Variants in NR1I2 observed in about 807,000 individuals in gnomAD.
NR1I2 encodes orphan nuclear receptor PAR1.
In NR1I2, 42 loss-of-function variants were observed where a neutral mutation model predicts 43.3. That is an observed-to-expected ratio of 0.97 (90% CI 0.76 to 1.26). NR1I2 has a LOEUF of 1.26. NR1I2 is among the 50% of genes most tolerant of loss of function. NR1I2 has a pLI of 0.00. For synonymous variants in NR1I2, 229 were observed against 215.0 expected, an observed-to-expected ratio of 1.06 and a Z score of -0.57; for missense variants, 559 against 566.7, an observed-to-expected ratio of 0.99 and a Z score of 0.14.
Position 119,818,324 on chromosome 3 carries a change from C to T in NR1I2, c.*1112C>T. 2 of 985,382 alleles carry T rather than the reference C, an allele frequency of 2.0e-6. No homozygotes were observed. Among genetic ancestry groups the T allele is most frequent in the Non-Finnish European group, 2.4e-6 (2 of 829,908 alleles). 61.0% of individuals were successfully genotyped at this position (985,382 alleles called of 1,614,324 possible). A position where few individuals can be genotyped will look rare whatever the true frequency, so the allele number is the denominator to read the frequency against. ...CTCAAAGCTAAAGGGTATGAAAGTG[C>T]CTGCCTTGTTTATAGCCACTTGTGA... On this transcript the variant is annotated 3_prime_UTR_variant, in exon 9 of 9. Coordinates refer to ENST00000393716, the MANE Select transcript of NR1I2 (RefSeq NM_003889.4).
At chr3:119,801,135 C>T (rs1215400557) in intron 1 of NR1I2, among the ~76,000 whole-genome samples, 1 of 152,212 alleles carries the variant, frequency 6.6e-6, no homozygotes, top group Non-Finnish European at 1.5e-5. Context: ...CGTAGAAAGA[C>T]TAAATTCATT....
intron 1 of NR1I2, among the ~76,000 whole-genome samples, chr3:119,797,990 T>C (rs1183235027): frequency 6.6e-6 from 1 of 152,238 alleles, no homozygotes; most frequent in Non-Finnish European, 1.5e-5. Context: ...TAATTTTTTT[T>C]TTCTGGGTAT....
rs1432002719 is a variant in NR1I2 at position 119,810,082 on chromosome 3, C to T, written c.219C>T (p.Ala73=). 1 of 1,613,898 alleles carries T rather than the reference C, an allele frequency of 6.2e-7. No homozygotes were observed. Among genetic ancestry groups the T allele is most frequent in the Admixed American group, 1.7e-5 (1 of 60,026 alleles). ...ACAGGAGGGCCATGAAACGCAACGC[C>T]CGGCTGAGGTGCCCCTTCCGGAAGG... The change falls in exon 3 of 9, where the codon GCC becomes GCT. Residue 73 remains alanine (A), a synonymous_variant. Coordinates refer to ENST00000393716, the MANE Select transcript of NR1I2 (RefSeq NM_003889.4).
chr3:119,797,804 C>A (rs2055021795), intron 1 of NR1I2, among the ~76,000 whole-genome samples: 1 of 152,174 alleles, frequency 6.6e-6, no homozygotes, highest in African/African-American at 2.4e-5. Context: ...TATCTGCTGG[C>A]AACAAATTCT....
chr3:119,800,418 A>T (rs1312849154), intron 1 of NR1I2, among the ~76,000 whole-genome samples: 2 of 152,232 alleles, frequency 1.3e-5, no homozygotes, highest in Non-Finnish European at 2.9e-5. Context: ...TTTGAAATCA[A>T]AAAGTGTAAG....
At chr3:119,813,475 C>T (rs534857115) in intron 5 of NR1I2, among the ~76,000 whole-genome samples, 1 of 152,276 alleles carries the variant, frequency 6.6e-6, no homozygotes, top group South Asian at 2.1e-4. Flanking sequence ...TAGTGGGAGA[C>T]ATGGGAACTT....
At chr3:119,809,987 G>A in intron 2 of NR1I2, 74 bp from the exon 3 acceptor site, 5 of 1,592,344 alleles carry the variant, frequency 3.1e-6, no homozygotes, top group Non-Finnish European at 4.3e-6. Flanking sequence ...GGAGGGAGGT[G>A]GTATGGCCCG....
At chr3:119,811,816 C>T in intron 4 of NR1I2, 90 bp downstream of exon 4, 1 of 1,236,526 alleles carries the variant, frequency 8.1e-7, no homozygotes, top group South Asian at 1.3e-5. Flanking sequence ...GAAACTTATA[C>T]AAGGTCACAG....
chr3:119,798,659 AAG>A (rs2055034376), intron 1 of NR1I2, among the ~76,000 whole-genome samples: 2 of 151,754 alleles, frequency 1.3e-5, no homozygotes, highest in Non-Finnish European at 2.9e-5. Context: ...AAAAAAGAAA[AAG>A]AAAGAAAGAA....
intron 5 of NR1I2, 66 bp from the exon 6 acceptor site, chr3:119,814,913 C>T (rs1476596923): frequency 2.5e-6 from 4 of 1,603,564 alleles, no homozygotes; most frequent in Admixed American, 3.3e-5. Flanking sequence ...TATGGGATGG[C>T]TGCTGGTGCC....
Position 119,817,130 on chromosome 3 carries a change from C to T in NR1I2, c.1223C>T (p.Thr408Ile), listed in dbSNP as rs2055341146. Residue 408 changes from threonine to isoleucine, a missense_variant, in exon 9 of 9, where the codon ACC (threonine) becomes ATC (isoleucine). Around this residue, in one of 3 missense-constraint regions of NR1I2, gnomAD observed 323 missense variants for 312.2 expected, o/e 1.03. Coordinates refer to ENST00000393716, the MANE Select transcript of NR1I2 (RefSeq NM_003889.4). ...CTCCGCAGCATCAATGCTCAGCACA[C>T]CCAGCGGCTGCTGCGCATCCAGGAC... is the stretch of plus-strand genomic sequence containing the variant. The T allele has an allele frequency of 6.2e-7, 1 of 1,614,072 alleles. No individual in the cohort carries two copies. Among genetic ancestry groups the T allele is most frequent in the Non-Finnish European group, 8.5e-7 (1 of 1,180,030 alleles).
rs899308112 is a variant in NR1I2, at chr3:119,807,107, G to A, written c.-22-122G>A. 3.9e-5 allele frequency: 33 copies of A among 837,208 alleles called. No individual in the cohort carries two copies. The African/African-American group carries it at 5.6e-4, about 14-fold the overall frequency. The allele number at this position is 837,208 out of a possible 1,614,324, so 51.9% of individuals were successfully genotyped here. A position where few individuals can be genotyped will look rare whatever the true frequency, so the allele number is the denominator to read the frequency against. ...TCCCCGCTTTTTTTCCCCATGAGAG[G>A]TCAGCTCCCGAGTTCACAGGCCCAA... On this transcript the variant is annotated intron_variant, in intron 1 of 8. Coordinates refer to ENST00000393716, the MANE Select transcript of NR1I2 (RefSeq NM_003889.4).
chr3:119,793,110 A>G lies in NR1I2; in HGVS notation c.-23+10810A>G, dbSNP rs181852119. Among the ~76,000 whole-genome samples, 1,033 of 152,176 alleles carry G rather than the reference A, an allele frequency of 6.8e-3. 7 individuals carry two copies. Among genetic ancestry groups the G allele is most frequent in the Admixed American group, 0.013 (195 of 15,286 alleles). ...GCCGGCTCGCACTTCACCTTCCACC[A>G]TGCTTGGAAGCTTCCTGAGACCTCA... is the stretch of plus-strand genomic sequence containing the variant. On this transcript the variant is annotated intron_variant, in intron 1 of 8. Transcript: ENST00000393716.
At chr3:119,782,389 T>C (rs1418413144) in intron 1 of NR1I2, 89 bp downstream of exon 1, 1 of 230,808 alleles carries the variant, frequency 4.3e-6, no homozygotes. Context: ...ATATACCTTC[T>C]GTTTGAGGTC....
intron 1 of NR1I2, among the ~76,000 whole-genome samples, chr3:119,806,927 C>T (rs989606098): frequency 3.9e-5 from 6 of 152,196 alleles, no homozygotes; most frequent in South Asian, 2.1e-4. Flanking sequence ...CTCCATGATC[C>T]GACCCAGACA....
intron 1 of NR1I2, chr3:119,802,990 T>C: frequency 2.2e-6 from 1 of 456,384 alleles, no homozygotes; most frequent in Non-Finnish European, 4.4e-6. Flanking sequence ...TGGGGGGTGA[T>C]TGGGTCATGA....
Position 119,818,172 on chromosome 3 carries a change from G to T in NR1I2, c.*960G>T. On this transcript the variant is annotated 3_prime_UTR_variant, in exon 9 of 9. Transcript: ENST00000393716. Reference sequence around the variant, plus strand: ...GGTAGGTCTGTTTGCCACTTGATGGGGCCTGGGTTTGTTCCTGGGGCTGGA... The same window carrying T: ...GGTAGGTCTGTTTGCCACTTGATGGTGCCTGGGTTTGTTCCTGGGGCTGGA... The T allele has an allele frequency of 2.0e-6, 2 of 985,686 alleles. No individual in the cohort carries two copies. Among genetic ancestry groups the T allele is most frequent in the Non-Finnish European group, 2.4e-6 (2 of 830,046 alleles). The allele number at this position is 985,686 out of a possible 1,614,324, so 61.1% of individuals were successfully genotyped here. A position where few individuals can be genotyped will look rare whatever the true frequency, so the allele number is the denominator to read the frequency against.
At chr3:119,785,743 C>T (rs1454535007) in intron 1 of NR1I2, among the ~76,000 whole-genome samples, 2 of 152,210 alleles carry the variant, frequency 1.3e-5, no homozygotes, top group Non-Finnish European at 2.9e-5. Context: ...ACTTCCTTTA[C>T]TTTCCTACCA....
chr3:119,805,841 A>G (rs1013478461), intron 1 of NR1I2, among the ~76,000 whole-genome samples: 2 of 152,168 alleles, frequency 1.3e-5, no homozygotes, highest in Admixed American at 6.5e-5. Flanking sequence ...GTGAACACCT[A>G]AAGTATACAT....
Sources: allele counts gnomAD v4.1 joint callset (sites outside exome capture counted in the v4.1 genomes callset), GRCh38; gene constraint gnomAD v4.1.1; regional missense constraint gnomAD v4.1.1; transcripts MANE v1.5; gene names NCBI Gene and HGNC (gene_info 2026-07-23, HGNC 2026-07-21).